The following LNX1 variants were observed in gnomAD, a reference collection of about 807,000 sequenced individuals.
LNX1 encodes E3 ubiquitin-protein ligase LNX.
A neutral mutation model predicts 68.4 loss-of-function variants in LNX1; 54 were observed. The observed-to-expected ratio is 0.79, with a 90% confidence interval of 0.63 to 0.99. The LOEUF is 0.99. LNX1 is among the 50% of genes least tolerant of loss of function. LNX1 has a pLI of 0.00. For synonymous variants in LNX1, 336 were observed against 350.0 expected, an observed-to-expected ratio of 0.96 and a Z score of 0.45; for missense variants, 906 against 926.4, an observed-to-expected ratio of 0.98 and a Z score of 0.29.
At chr4:53,630,300 A>T (rs1212821048) in intron 1 of LNX1, among the ~76,000 whole-genome samples, 1 of 152,100 alleles carries the variant, frequency 6.6e-6, no homozygotes, top group African/African-American at 2.4e-5. Flanking sequence ...ACTTGCTAAA[A>T]TTTTTTTGTA....
At chr4:53,582,846 AC>A (rs1044004291) in intron 1 of LNX1, among the ~76,000 whole-genome samples, 20 of 152,156 alleles carry the variant, frequency 1.3e-4, no homozygotes, top group Non-Finnish European at 2.5e-4. Flanking sequence ...AGTCAGAAAC[AC>A]CATCCTGGAC....
Position 53,573,968 on chromosome 4 carries a change from GGT to G in LNX1, c.33_34del (p.Glu11AspfsTer26). ...GGCTTGGCCACACACTGCACACAGGGGTTCAGGATCGTTGGCAGACTCTGGCT... is the reference window on the plus strand; with the variant it reads ...GGCTTGGCCACACACTGCACACAGGGTCAGGATCGTTGGCAGACTCTGGCT... On this transcript the variant is annotated frameshift_variant, in exon 2 of 11. Coordinates refer to ENST00000263925, the MANE Select transcript of LNX1 (RefSeq NM_001126328.3). LOFTEE classifies it high-confidence loss of function. 6.2e-7 allele frequency: 1 copy of G among 1,613,214 alleles called. No individual in the cohort carries two copies. The highest frequency in any genetic ancestry group is 8.5e-7 in the Non-Finnish European group (1 of 1,179,508).
intron 5 of LNX1, among the ~76,000 whole-genome samples, chr4:53,498,097 C>G (rs1196108648): frequency 6.6e-6 from 1 of 152,128 alleles, no homozygotes; most frequent in Non-Finnish European, 1.5e-5. Flanking sequence ...ACACCTGTCT[C>G]CCCTGGTATG....
chr4:53,628,895 T>A (rs1734169852), intron 1 of LNX1, among the ~76,000 whole-genome samples: 1 of 152,190 alleles, frequency 6.6e-6, no homozygotes, highest in Non-Finnish European at 1.5e-5. Context: ...AGATACTGCA[T>A]GTTCTCACTT....
chr4:53,486,434 A>G (rs1724297933), intron 6 of LNX1, among the ~76,000 whole-genome samples: 1 of 152,230 alleles, frequency 6.6e-6, no homozygotes, highest in South Asian at 2.1e-4. Flanking sequence ...GATGCCATCC[A>G]TATTCTCCCC....
chr4:53,560,539 T>C (rs1730210846), intron 2 of LNX1, among the ~76,000 whole-genome samples: 1 of 152,194 alleles, frequency 6.6e-6, no homozygotes, highest in South Asian at 2.1e-4. Context: ...CAATAGTGAC[T>C]AATGAGGTAT....
chr4:53,491,140 T>C (rs981712594), intron 6 of LNX1, among the ~76,000 whole-genome samples: 3 of 152,234 alleles, frequency 2.0e-5, no homozygotes, highest in African/African-American at 4.8e-5. Context: ...GTTTTTCTTT[T>C]GCTTATTGCG....
intron 9 of LNX1, among the ~76,000 whole-genome samples, chr4:53,472,048 T>TGCG (rs1023391035): frequency 3.3e-5 from 5 of 152,220 alleles, no homozygotes; most frequent in African/African-American, 1.2e-4. Context: ...TTATGTTTAT[T>TGCG]GCGGCACTAT....
intron 1 of LNX1, among the ~76,000 whole-genome samples, chr4:53,635,751 G>C (rs1431786147): frequency 6.6e-6 from 1 of 152,108 alleles, no homozygotes; most frequent in African/African-American, 2.4e-5. Flanking sequence ...TATAATCTCG[G>C]CACTCCCAGG....
chr4:53,486,639 G>T (rs1724312967), intron 6 of LNX1, among the ~76,000 whole-genome samples: 1 of 152,150 alleles, frequency 6.6e-6, no homozygotes, highest in Admixed American at 6.5e-5. Context: ...GGTCTCCAGA[G>T]GTGGGACCAA....
intron 2 of LNX1, among the ~76,000 whole-genome samples, chr4:53,554,784 G>A (rs535365308): frequency 3.3e-5 from 5 of 151,928 alleles, no homozygotes; most frequent in South Asian, 2.1e-4. Context: ...CCCGGGAGGC[G>A]GAGGTTGCAG....
intron 2 of LNX1, among the ~76,000 whole-genome samples, chr4:53,543,600 AT>A (rs1156573821): frequency 5.3e-5 from 8 of 150,622 alleles, no homozygotes; most frequent in East Asian, 1.9e-4. Context: ...ATCTTGCTCA[AT>A]TTTTTTTTTC....
intron 8 of LNX1, 114 bp from the exon 9 acceptor site, chr4:53,477,095 G>A (rs1379001108): frequency 3.4e-6 from 3 of 884,456 alleles, no homozygotes; most frequent in African/African-American, 3.3e-5. Flanking sequence ...AGAGGGCAAA[G>A]GTTTTCTTTG....
intron 4 of LNX1, among the ~76,000 whole-genome samples, chr4:53,504,727 A>G (rs1189064824): frequency 1.3e-5 from 2 of 152,194 alleles, no homozygotes; most frequent in Non-Finnish European, 2.9e-5. Context: ...TGAATACTCA[A>G]AGGCTATTGT....
chr4:53,640,873 C>T (rs1218979815), intron 1 of LNX1, among the ~76,000 whole-genome samples: 1 of 152,238 alleles, frequency 6.6e-6, no homozygotes, highest in Non-Finnish European at 1.5e-5. Context: ...TCAGGTTCGA[C>T]TCACATGAGC....
At chr4:53,635,889 G>A (rs1734454165) in intron 1 of LNX1, among the ~76,000 whole-genome samples, 1 of 152,176 alleles carries the variant, frequency 6.6e-6, no homozygotes, top group African/African-American at 2.4e-5. Context: ...CAGCTGGGAA[G>A]GTATTTCAAG....
chr4:53,629,757 A>T (rs1734200745), intron 1 of LNX1, among the ~76,000 whole-genome samples: 1 of 152,126 alleles, frequency 6.6e-6, no homozygotes, highest in Non-Finnish European at 1.5e-5. Context: ...TTCCCAGCTG[A>T]TGTCACCTGG....
chr4:53,472,009 A>G (rs1241915238), intron 9 of LNX1, among the ~76,000 whole-genome samples: 1 of 152,224 alleles, frequency 6.6e-6, no homozygotes, highest in Non-Finnish European at 1.5e-5. Context: ...AGGATTATAA[A>G]TCATGCTACT....
chr4:53,549,020 G>T (rs1490076773), intron 2 of LNX1, among the ~76,000 whole-genome samples: 9 of 152,186 alleles, frequency 5.9e-5, no homozygotes, highest in African/African-American at 2.2e-4. Flanking sequence ...CTACTTGAAG[G>T]TGGAGGGTAG....
Sources: gnomAD v4.1 joint callset for allele counts (sites outside exome capture counted in the v4.1 genomes callset) on GRCh38, gnomAD v4.1.1 for gene constraint, MANE v1.5 for transcripts, NCBI Gene and HGNC (gene_info 2026-07-23, HGNC 2026-07-21) for gene names.